Variants in MPRIP observed in about 807,000 individuals in gnomAD.
MPRIP encodes the protein myosin phosphatase Rho interacting protein, also known as myosin phosphatase Rho-interacting protein.
Under a neutral mutation model 234.9 loss-of-function variants are expected in MPRIP, and 59 were observed. That is an observed-to-expected ratio of 0.25 (90% CI 0.20 to 0.31). The LOEUF is 0.31. MPRIP is among the 10% of genes least tolerant of loss of function. MPRIP has a pLI of 1.00. For synonymous variants in MPRIP, 1,144 were observed against 1,263.9 expected (o/e 0.91, Z 2.01); for missense variants, 2,436 against 3,071.0 (o/e 0.79, Z 4.89).
chr17:17,059,329 A>G (rs2088802211), intron 1 of MPRIP, among the ~76,000 whole-genome samples: 1 of 152,108 alleles, frequency 6.6e-6, no homozygotes, highest in South Asian at 2.1e-4. Flanking sequence ...AGAGGAGGCA[A>G]AGGATGTTTT....
intron 1 of MPRIP, chr17:17,057,602 T>C (rs1022966484): frequency 8.4e-6 from 6 of 717,982 alleles, no homozygotes; most frequent in Admixed American, 2.0e-5. Context: ...TGTTCATCAC[T>C]GTTACCAGTT....
intron 12 of MPRIP, 99 bp from the exon 13 acceptor site, chr17:17,154,207 C>A: frequency 2.0e-6 from 2 of 990,380 alleles, no homozygotes; most frequent in Non-Finnish European, 3.1e-6. Context: ...GCCTTTCTCC[C>A]TGTGGGACTT....
intron 6 of MPRIP, 22 bp downstream of exon 6, chr17:17,136,472 T>C: frequency 6.3e-7 from 1 of 1,596,666 alleles, no homozygotes; most frequent in Non-Finnish European, 8.5e-7. Flanking sequence ...CCAGGCTGGC[T>C]TGTATGCACG....
intron 1 of MPRIP, among the ~76,000 whole-genome samples, chr17:17,073,737 G>A (rs2089258566): frequency 1.3e-5 from 2 of 152,278 alleles, no homozygotes; most frequent in African/African-American, 4.8e-5. Context: ...TGGAGAGGCC[G>A]AGCGTGTGTG....
chr17:17,078,252 C>A lies in MPRIP; in HGVS notation c.267+176C>A, dbSNP rs2089381887. Among the ~76,000 whole-genome samples the A allele has an allele frequency of 6.6e-6, 1 of 152,162 alleles. No individual in the cohort carries two copies. The highest frequency in any genetic ancestry group is 6.5e-5 in the Admixed American group (1 of 15,284). ...CCTGCTGGAGACAGCTTTAAAAACC[C>A]AGACCTTTGGTTTGAAACATCATCT... is the stretch of plus-strand genomic sequence containing the variant. On this transcript the variant is annotated intron_variant, in intron 3 of 23. Transcript: ENST00000651222. The surrounding 1 kb of genome is among the most constrained non-coding windows in gnomAD (Gnocchi z 4.3).
chr17:17,097,807 C>T (rs1478906196), intron 3 of MPRIP, among the ~76,000 whole-genome samples: 5 of 152,194 alleles, frequency 3.3e-5, no homozygotes. Flanking sequence ...ATTTTCCTTT[C>T]TCCACATCCT....
chr17:17,126,539 T>C (rs1169793672), intron 3 of MPRIP, among the ~76,000 whole-genome samples, 163 bp from the exon 4 acceptor site: 3 of 152,116 alleles, frequency 2.0e-5, no homozygotes, highest in Admixed American at 2.0e-4. Context: ...CCTGTCCCTG[T>C]CCTCCCTGGG....
intron 1 of MPRIP, among the ~76,000 whole-genome samples, chr17:17,047,070 C>G (rs1218337138): frequency 6.6e-6 from 1 of 152,090 alleles, no homozygotes; most frequent in Non-Finnish European, 1.5e-5. Flanking sequence ...CCCAGCTACT[C>G]CTTGGGAGGC....
chr17:17,072,352 A>G (rs2089216055), intron 1 of MPRIP, among the ~76,000 whole-genome samples: 1 of 151,794 alleles, frequency 6.6e-6, no homozygotes, highest in Admixed American at 6.6e-5. Flanking sequence ...GCCGGTGGGC[A>G]CTCACCTCCA....
intron 12 of MPRIP, among the ~76,000 whole-genome samples, chr17:17,152,986 C>A (rs987572406): frequency 2.0e-5 from 3 of 152,166 alleles, no homozygotes; most frequent in African/African-American, 7.2e-5. Flanking sequence ...GAACATTAGG[C>A]AGCCGCTGGG....
intron 3 of MPRIP, among the ~76,000 whole-genome samples, chr17:17,109,991 T>A (rs2090138577): frequency 6.6e-6 from 1 of 152,154 alleles, no homozygotes; most frequent in Non-Finnish European, 1.5e-5. Context: ...CACGTTGAAA[T>A]GTGTTCCCCA....
At chr17:17,126,067 T>C (rs2090484750) in intron 3 of MPRIP, among the ~76,000 whole-genome samples, 1 of 152,250 alleles carries the variant, frequency 6.6e-6, no homozygotes, top group South Asian at 2.1e-4. Context: ...AAGGCATCCT[T>C]TCCTGCTTTT....
chr17:17,049,569 C>G (rs1429791037), intron 1 of MPRIP, among the ~76,000 whole-genome samples: 1 of 151,848 alleles, frequency 6.6e-6, no homozygotes, highest in Admixed American at 6.6e-5. Context: ...AACTCCTTCC[C>G]CAAGCCACTC....
intron 12 of MPRIP, among the ~76,000 whole-genome samples, chr17:17,150,910 A>G (rs2045587248): frequency 6.6e-6 from 1 of 151,904 alleles, no homozygotes; most frequent in African/African-American, 2.4e-5. Flanking sequence ...TAGTGGCACA[A>G]TCATGGCTCA....
intron 3 of MPRIP, among the ~76,000 whole-genome samples, chr17:17,088,113 T>TA (rs1418240015): frequency 6.6e-6 from 1 of 152,218 alleles, no homozygotes; most frequent in African/African-American, 2.4e-5. Flanking sequence ...GTTATCCACT[T>TA]AGGTGCTCTC....
chr17:17,100,158 T>G (rs1462432596), intron 3 of MPRIP, among the ~76,000 whole-genome samples: 1 of 152,108 alleles, frequency 6.6e-6, no homozygotes, highest in Non-Finnish European at 1.5e-5. Context: ...AGAATTGACT[T>G]GGAAACACGT....
intron 3 of MPRIP, among the ~76,000 whole-genome samples, chr17:17,088,863 G>A (rs566211414): frequency 1.3e-5 from 2 of 152,226 alleles, no homozygotes; most frequent in Admixed American, 6.5e-5. Flanking sequence ...TTCTTTGGCC[G>A]GGAAGGAAAT....
intron 3 of MPRIP, among the ~76,000 whole-genome samples, chr17:17,083,023 T>C (rs1437979368): frequency 6.6e-6 from 1 of 152,206 alleles, no homozygotes; most frequent in Non-Finnish European, 1.5e-5. Context: ...ATGGAGAGAC[T>C]GAGGCCACCT....
rs2046526596 is a variant in MPRIP at position 17,188,750 on chromosome 17, G to C, written c.*3856G>C. Reference sequence around the variant, plus strand: ...CATCACTCCTGCCTGGCTGTCTCCTGGGAGGCTGCCGGGTGCCACGGAGCT... The same window carrying C: ...CATCACTCCTGCCTGGCTGTCTCCTCGGAGGCTGCCGGGTGCCACGGAGCT... On this transcript the variant is annotated 3_prime_UTR_variant, in exon 24 of 24. Transcript: ENST00000651222. 2 of 152,290 alleles carry C rather than the reference G, an allele frequency of 1.3e-5. No homozygotes were observed. Among genetic ancestry groups the C allele is most frequent in the African/African-American group, 4.8e-5 (2 of 41,464 alleles). 9.4% of individuals were successfully genotyped at this position (152,290 alleles called of 1,614,324 possible). A position where few individuals can be genotyped will look rare whatever the true frequency, so the allele number is the denominator to read the frequency against.
Sources: allele counts gnomAD v4.1 joint callset (sites outside exome capture counted in the v4.1 genomes callset), GRCh38; gene constraint gnomAD v4.1.1; non-coding constraint Gnocchi (gnomAD v3.1); transcripts MANE v1.5; gene names NCBI Gene and HGNC (gene_info 2026-07-23, HGNC 2026-07-21).